Variants in CORO2B observed in about 807,000 individuals in gnomAD.
CORO2B encodes coronin-2B.
CORO2B carries 26 observed loss-of-function variants against 58.8 expected under a neutral mutation model. The ratio of observed to expected loss-of-function variants is 0.44; its 90% confidence interval spans 0.32 to 0.61. The LOEUF (loss-of-function observed/expected upper bound fraction) is 0.61. CORO2B is among the 20% of genes least tolerant of loss of function. CORO2B has a pLI of 0.04. For missense variants in CORO2B, 460 were observed against 645.1 expected, an observed-to-expected ratio of 0.71 and a Z score of 3.11; for synonymous variants, 242 against 253.8, an observed-to-expected ratio of 0.95 and a Z score of 0.44.
chr15:68,574,736 C>T (rs1899246162), upstream of CORO2B, among the ~76,000 whole-genome samples: 1 of 152,182 alleles, frequency 6.6e-6, no homozygotes, highest in Non-Finnish European at 1.5e-5. Context: ...CATAAAGAGA[C>T]AGAAGCAAAT....
chr15:68,518,531 C>T, the CORO2B span, among the ~76,000 whole-genome samples: 1 of 152,142 alleles, frequency 6.6e-6, no homozygotes, highest in Non-Finnish European at 1.5e-5. Context: ...CTTCTCTCCT[C>T]CTCCCTTTGG....
intron 1 of CORO2B, among the ~76,000 whole-genome samples, chr15:68,581,149 C>A (rs1262321777): frequency 6.6e-6 from 1 of 152,138 alleles, no homozygotes; most frequent in Admixed American, 6.5e-5. Flanking sequence ...TGGGTGCTTA[C>A]CTGTTAAGCC....
At chr15:68,519,291 C>T in the CORO2B span, among the ~76,000 whole-genome samples, 3 of 152,078 alleles carry the variant, frequency 2.0e-5, no homozygotes, top group Non-Finnish European at 4.4e-5. Flanking sequence ...GTGTGGTTGG[C>T]TGAAGTCCCA....
intron 3 of CORO2B, among the ~76,000 whole-genome samples, chr15:68,702,815 CTTTTTCTTTTT>C (rs1892684434): frequency 7.8e-6 from 1 of 127,984 alleles, no homozygotes; most frequent in African/African-American, 2.9e-5. Context: ...TTTTCTTTTT[CTTTTTCTTTTT>C]TTTTTTTTTT....
At chr15:68,663,139 C>T (rs1240209926) in intron 2 of CORO2B, among the ~76,000 whole-genome samples, 1 of 152,152 alleles carries the variant, frequency 6.6e-6, no homozygotes. Context: ...CGAAGATCAC[C>T]AACTACCTAC....
intron 2 of CORO2B, among the ~76,000 whole-genome samples, chr15:68,654,604 C>T (rs1220672604): frequency 2.0e-5 from 3 of 152,198 alleles, no homozygotes; most frequent in Admixed American, 6.5e-5. Flanking sequence ...CTGTGAAACC[C>T]TAGGCATCTA....
chr15:68,623,373 C>T (rs1316119199), intron 1 of CORO2B, among the ~76,000 whole-genome samples: 5 of 152,132 alleles, frequency 3.3e-5, no homozygotes, highest in Admixed American at 6.5e-5. Flanking sequence ...GTGCTTTGCA[C>T]CACCATTGGA....
intron 8 of CORO2B, among the ~76,000 whole-genome samples, chr15:68,716,873 G>T (rs563248311): frequency 8.6e-5 from 13 of 151,886 alleles, no homozygotes; most frequent in Admixed American, 2.6e-4. Context: ...CCATCGGAGA[G>T]GGGGGCAGGG....
At chr15:68,690,646 CTTTTT>C (rs765999578) in intron 2 of CORO2B, among the ~76,000 whole-genome samples, 1 of 102,874 alleles carries the variant, frequency 9.7e-6, no homozygotes, top group African/African-American at 4.0e-5. Flanking sequence ...CGTTAGCTTT[CTTTTT>C]TTTTTTTTTT....
At chr15:68,542,639 C>T in the CORO2B span, among the ~76,000 whole-genome samples, 2,476 of 152,326 alleles carry the variant, frequency 0.016, 62 homozygotes, top group African/African-American at 0.057. Context: ...CCTGTGACTC[C>T]GTGGCAATAC....
chr15:68,536,661 G>C, the CORO2B span, among the ~76,000 whole-genome samples: 2 of 152,244 alleles, frequency 1.3e-5, no homozygotes, highest in Admixed American at 6.5e-5. Flanking sequence ...CTTGGTCATA[G>C]ACCACTGATT....
At chr15:68,703,069 C>T (rs533424176) in intron 3 of CORO2B, among the ~76,000 whole-genome samples, 3,948 of 146,998 alleles carry the variant, frequency 0.027, 167 homozygotes, top group African/African-American at 0.091. Context: ...TCAAGTGATC[C>T]ACCCGCCTCG....
the CORO2B span, among the ~76,000 whole-genome samples, chr15:68,542,419 A>T: frequency 6.6e-6 from 1 of 152,354 alleles, no homozygotes; most frequent in Admixed American, 6.5e-5. Context: ...TTCCAACATC[A>T]GTTCCTTATT....
At chr15:68,630,894 G>A (rs1245934875) in intron 1 of CORO2B, among the ~76,000 whole-genome samples, 1 of 152,222 alleles carries the variant, frequency 6.6e-6, no homozygotes, top group Non-Finnish European at 1.5e-5. Flanking sequence ...GAAGCCGTGT[G>A]TGTGCCAGTA....
At chr15:68,580,735 G>A (rs1281790995) in intron 1 of CORO2B, among the ~76,000 whole-genome samples, 1 of 152,152 alleles carries the variant, frequency 6.6e-6, no homozygotes, top group African/African-American at 2.4e-5. Flanking sequence ...GATGCAAGCA[G>A]GCTGGGACAG....
intron 2 of CORO2B, among the ~76,000 whole-genome samples, chr15:68,674,653 G>T (rs1294583730): frequency 2.0e-5 from 3 of 152,242 alleles, no homozygotes; most frequent in Non-Finnish European, 4.4e-5. Flanking sequence ...AGAAAGGCTC[G>T]TGGGCAGTGG....
intron 2 of CORO2B, among the ~76,000 whole-genome samples, chr15:68,680,270 G>A (rs1302688505): frequency 6.6e-6 from 1 of 152,166 alleles, no homozygotes; most frequent in Non-Finnish European, 1.5e-5. Context: ...ACCAGAGGGT[G>A]TAAGAAGCAT....
chr15:68,559,321 A>G, the CORO2B span, among the ~76,000 whole-genome samples: 4 of 152,118 alleles, frequency 2.6e-5, no homozygotes, highest in Non-Finnish European at 4.4e-5. This position sits in a 1 kb window ranked among gnomAD's most constrained non-coding sequence, Gnocchi z 4.3. Context: ...GACAGCCTTC[A>G]GAGAGTTTGG....
intron 1 of CORO2B, among the ~76,000 whole-genome samples, chr15:68,608,937 A>G (rs1263264248): frequency 9.1e-6 from 1 of 109,670 alleles, no homozygotes; most frequent in Non-Finnish European, 1.9e-5. Flanking sequence ...GGTACTAGGA[A>G]GAGAGAGAGA....
Sources: gnomAD v4.1 joint callset for allele counts (sites outside exome capture counted in the v4.1 genomes callset) on GRCh38, gnomAD v4.1.1 for gene constraint, Gnocchi (gnomAD v3.1) non-coding constraint, MANE v1.5 for transcripts, NCBI Gene and HGNC (gene_info 2026-07-23, HGNC 2026-07-21) for gene names.